The following HERC1 variants were observed in gnomAD, a reference collection of about 807,000 sequenced individuals.
HERC1 encodes HECT and RLD domain containing E3 ubiquitin protein ligase family member 1, also known as probable E3 ubiquitin-protein ligase HERC1.
HERC1 carries 160 observed loss-of-function variants against 554.3 expected under a neutral mutation model. That is an observed-to-expected ratio of 0.29 (90% CI 0.25 to 0.33). The LOEUF (loss-of-function observed/expected upper bound fraction) is 0.33, where lower values mean the gene tolerates loss of function less well. Ranked by LOEUF, HERC1 falls within the 10% of genes least tolerant of loss-of-function variation. The pLI is 1.00. For missense variants in HERC1, 4,919 were observed against 5,918.5 expected (o/e 0.83, Z 5.54); for synonymous variants, 2,175 against 2,131.7 (o/e 1.02, Z -0.56).
chr15:63,800,190 T>C (rs2076934895), intron 1 of HERC1, among the ~76,000 whole-genome samples: 1 of 152,146 alleles, frequency 6.6e-6, no homozygotes, highest in African/African-American at 2.4e-5. Context: ...TCTCCACTAA[T>C]GCATTTGTTA....
In HERC1 at chr15:63,672,521, C is replaced by G; in HGVS notation, c.8020G>C (p.Gly2674Arg). Residue 2674 changes from glycine (G) to arginine (R), a missense_variant, in exon 39 of 78, where the codon GGA becomes CGA. Physicochemically the swap from Gly to Arg is moderately radical, Grantham distance 125. This residue lies in a region of HERC1 where 1,963 missense variants were observed against 2,228.6 expected (regional missense o/e 0.88). Coordinates refer to ENST00000443617, the MANE Select transcript of HERC1 (RefSeq NM_003922.4). ...CTGAGAAGACTAAGAGGCATCACTCCCGGGGACTCGGATGCAGGCACTGTT... is the reference window on the plus strand; with the variant it reads ...CTGAGAAGACTAAGAGGCATCACTCGCGGGGACTCGGATGCAGGCACTGTT... The part of the protein sequence containing the change: ...TETVPASESP[G>R]VMPLSLLRQM... The G allele has an allele frequency of 2.5e-6, 4 of 1,601,344 alleles. No homozygotes were observed. Among genetic ancestry groups the G allele is most frequent in the Non-Finnish European group, 3.4e-6 (4 of 1,173,808 alleles).
chr15:63,693,186 CA>C (rs201817580), intron 30 of HERC1, among the ~76,000 whole-genome samples: 1 of 149,932 alleles, frequency 6.7e-6, no homozygotes. Flanking sequence ...TCAACAACAA[CA>C]AAAAAAACCC....
chr15:63,731,106 T>TA (rs2140975919), intron 14 of HERC1, among the ~76,000 whole-genome samples: 1 of 152,320 alleles, frequency 6.6e-6, no homozygotes, highest in East Asian at 1.9e-4. Flanking sequence ...CATGTGTATA[T>TA]AAAATATGAT....
At chr15:63,685,004 G>A (rs896872599) in intron 34 of HERC1, among the ~76,000 whole-genome samples, 39 of 152,180 alleles carry the variant, frequency 2.6e-4, no homozygotes, top group African/African-American at 8.4e-4. Context: ...GCAAGACTCC[G>A]TCTCAACCAA....
chr15:63,689,461 C>A (rs568457517), intron 33 of HERC1, 128 bp downstream of exon 33: 254 of 580,760 alleles, frequency 4.4e-4, no homozygotes, highest in Non-Finnish European at 3.2e-4. Context: ...GAAAGGGAGA[C>A]AGAATGCCAA....
chr15:63,706,965 T>A, intron 24 of HERC1, 134 bp from the exon 25 acceptor site: 1 of 580,056 alleles, frequency 1.7e-6, no homozygotes, highest in Non-Finnish European at 2.9e-6. Flanking sequence ...CAAGTCAAAC[T>A]AATAACAAAA....
In HERC1 at chr15:63,663,193, G is replaced by GTTAT; in HGVS notation, c.8691_8692insATAA (p.Arg2898IlefsTer27). ...TGATTCCTGTGGGCCTGCACAGAGC[G>GTTAT]GTATAATCCCGCTCAGAACAAAACA... is the stretch of plus-strand genomic sequence containing the variant. On this transcript the variant is annotated frameshift_variant, in exon 44 of 78. Coordinates refer to ENST00000443617, the MANE Select transcript of HERC1 (RefSeq NM_003922.4). LOFTEE classifies it high-confidence loss of function. The GTTAT allele has an allele frequency of 6.2e-7, 1 of 1,613,514 alleles. No individual in the cohort carries two copies. Among genetic ancestry groups the GTTAT allele is most frequent in the Non-Finnish European group, 8.5e-7 (1 of 1,179,570 alleles).
In HERC1 at chr15:63,609,286, G is replaced by A. The variant is rs147469276; in HGVS notation, c.14401-20C>T. The A allele has an allele frequency of 0.012, 18,269 of 1,588,180 alleles. 137 individuals are homozygous for A. The highest frequency in any genetic ancestry group is 0.014 in the Non-Finnish European group (16,163 of 1,165,084). Reference sequence around the variant, plus strand: ...GTAAGGCTGTGGAGAGAGACCCAGAGCCGTGACTGGGGACATCAGAGTGCC... The same window carrying A: ...GTAAGGCTGTGGAGAGAGACCCAGAACCGTGACTGGGGACATCAGAGTGCC... On this transcript the variant is annotated intron_variant, in intron 77 of 77. Coordinates refer to ENST00000443617, the MANE Select transcript of HERC1 (RefSeq NM_003922.4).
At chr15:63,671,898 T>A (rs1005674590) in intron 39 of HERC1, among the ~76,000 whole-genome samples, 11 of 152,228 alleles carry the variant, frequency 7.2e-5, no homozygotes, top group African/African-American at 2.7e-4. Context: ...GTCTCTTCCC[T>A]GAAGGCTCTT....
intron 22 of HERC1, 45 bp from the exon 23 acceptor site, chr15:63,713,710 G>A: frequency 6.7e-7 from 1 of 1,481,842 alleles, no homozygotes. Context: ...CATGGGGAGA[G>A]AAGAGCAAAG....
chr15:63,797,666 T>C (rs2144604739), intron 1 of HERC1, among the ~76,000 whole-genome samples: 1 of 152,362 alleles, frequency 6.6e-6, no homozygotes, highest in East Asian at 1.9e-4. Context: ...ATGCATGGCA[T>C]GGCCAGCCTC....
At chr15:63,610,712 T>A (rs374893320) in intron 77 of HERC1, among the ~76,000 whole-genome samples, 11 of 152,290 alleles carry the variant, frequency 7.2e-5, no homozygotes, top group East Asian at 3.9e-4. Flanking sequence ...CAGGGAGGAA[T>A]AGCTTTGGCT....
chr15:63,659,905 A>G lies in HERC1; in HGVS notation c.9255T>C (p.Asp3085=), dbSNP rs775228762. The G allele has an allele frequency of 6.2e-7, 1 of 1,613,518 alleles. No homozygotes were observed. Among genetic ancestry groups the G allele is most frequent in the Non-Finnish European group, 8.5e-7 (1 of 1,179,520 alleles). Residue 3085 remains aspartate (D), a synonymous_variant, in exon 47 of 78, where the codon GAT becomes GAC. Transcript: ENST00000443617. The stretch of plus-strand genomic sequence containing the variant: ...ATTCTTCTTCACCAGTTAGCTTTTC[A>G]TCTTCATCAACATCCAACATGTCCC... ...EDWDMLDVDE[D]EKLTGEEEFE... is the part of the protein sequence containing the mutation.
chr15:63,663,070 T>C lies in HERC1; in HGVS notation c.8815A>G (p.Met2939Val), dbSNP rs779714957. The change falls in exon 44 of 78, where the codon ATG (methionine) becomes GTG (valine). Residue 2939 changes from methionine (M) to valine (V), a missense_variant. This residue lies in a region of HERC1 where 1,963 missense variants were observed against 2,228.6 expected (regional missense o/e 0.88). Coordinates refer to ENST00000443617, the MANE Select transcript of HERC1 (RefSeq NM_003922.4). The part of the protein sequence containing the change: ...ELEIDLDDEA[M>V]EAMFGQDLTS... Reference sequence around the variant, plus strand: ...AGGTCTTGTCCAAACATAGCTTCCATCGCCTCATCATCAAGATCAATTTCC... The same window carrying C: ...AGGTCTTGTCCAAACATAGCTTCCACCGCCTCATCATCAAGATCAATTTCC... 6.2e-6 allele frequency: 10 copies of C among 1,613,994 alleles called. 1 individual carries two copies. In the South Asian group the frequency reaches 9.9e-5, roughly 16 times the overall value.
intron 65 of HERC1, 99 bp from the exon 66 acceptor site, chr15:63,634,987 T>C (rs1172511975): frequency 3.8e-6 from 3 of 793,938 alleles, no homozygotes; most frequent in Non-Finnish European, 3.8e-6. Flanking sequence ...AAACTTTACA[T>C]AAACTTCACT....
chr15:63,716,165 C>T, intron 22 of HERC1, 137 bp downstream of exon 22: 1 of 739,504 alleles, frequency 1.4e-6, no homozygotes, highest in South Asian at 1.9e-5. Context: ...TCAGCTAATA[C>T]AAATTGAGAT....
At position 63,775,581 on chromosome 15, in the gene HERC1, G is replaced by T. The variant is rs1371353654; in HGVS notation, c.43C>A (p.His15Asn). The T allele has an allele frequency of 5.6e-6, 9 of 1,608,064 alleles. No individual in the cohort carries two copies. Among genetic ancestry groups the T allele is most frequent in the Non-Finnish European group, 7.6e-6 (9 of 1,177,582 alleles). The change falls in exon 2 of 78, where the codon CAC becomes AAC. Residue 15 changes from histidine (H) to asparagine (N), a missense_variant. Physicochemically the swap from His to Asn is moderately conservative, Grantham distance 68. This residue lies in a region of HERC1 where 110 missense variants were observed against 99.3 expected (regional missense o/e 1.11). Coordinates refer to ENST00000443617, the MANE Select transcript of HERC1 (RefSeq NM_003922.4). This position sits in a 1 kb window ranked among gnomAD's most constrained non-coding sequence, Gnocchi z 4.0. ...TCTGTAATCCAGGAGCTGTTCAAGTGTTCAAGCCATTTCAGCTTCACTGGT... is the reference window on the plus strand; with the variant it reads ...TCTGTAATCCAGGAGCTGTTCAAGTTTTCAAGCCATTTCAGCTTCACTGGT... The part of the protein sequence containing the change: ...IPPVKLKWLE[H>N]LNSSWITEDS...
At chr15:63,730,406 C>T (rs2074242589) in intron 14 of HERC1, among the ~76,000 whole-genome samples, 1 of 152,018 alleles carries the variant, frequency 6.6e-6, no homozygotes, top group Admixed American at 6.5e-5. Context: ...CTGTAGTGAG[C>T]TATGATGGTG....
chr15:63,630,403 CA>C, intron 69 of HERC1, 62 bp downstream of exon 69: 6 of 1,508,564 alleles, frequency 4.0e-6, no homozygotes, highest in Non-Finnish European at 5.4e-6. Context: ...TCTCTTTCCC[CA>C]ACTGAGGAAC....
Sources: allele counts gnomAD v4.1 joint callset (sites outside exome capture counted in the v4.1 genomes callset), GRCh38; gene constraint gnomAD v4.1.1; regional missense constraint gnomAD v4.1.1; non-coding constraint Gnocchi (gnomAD v3.1); transcripts MANE v1.5; gene names NCBI Gene and HGNC (gene_info 2026-07-23, HGNC 2026-07-21).